Variants in UTRN observed in about 807,000 individuals in gnomAD.
The protein encoded by UTRN is utrophin.
UTRN carries 283 observed loss-of-function variants against 463.9 expected under a neutral mutation model. That is an observed-to-expected ratio of 0.61 (90% CI 0.55 to 0.67). UTRN has a LOEUF of 0.67. Among genes scored for constraint, UTRN ranks in the 30% least tolerant of loss-of-function variants. The pLI is 0.00. For synonymous variants in UTRN, 1,442 were observed against 1,431.5 expected, an observed-to-expected ratio of 1.01 and a Z score of -0.17; for missense variants, 3,922 against 4,084.3, an observed-to-expected ratio of 0.96 and a Z score of 1.08.
chr6:144,525,363 G>C (rs920236642), intron 41 of UTRN, among the ~76,000 whole-genome samples: 1 of 151,842 alleles, frequency 6.6e-6, no homozygotes, highest in African/African-American at 2.4e-5. Flanking sequence ...TAATCTTGCT[G>C]CTTGTTATTG....
chr6:144,635,514 C>CTTTTTTTTTTTTTTTTTTTTTT (rs1402815648), intron 51 of UTRN, among the ~76,000 whole-genome samples: 1 of 80,028 alleles, frequency 1.2e-5, no homozygotes, highest in Non-Finnish European at 2.2e-5. Flanking sequence ...CTTTTTTTTT[C>CTTTTTTTTTTTTTTTTTTTTTT]TTTTTTTTTT....
At chr6:144,371,166 C>A (rs961865113) in intron 2 of UTRN, among the ~76,000 whole-genome samples, 14 of 152,302 alleles carry the variant, frequency 9.2e-5, no homozygotes, top group African/African-American at 3.1e-4. Flanking sequence ...TGTTTATGTG[C>A]ATTTACTAAC....
At chr6:144,700,294 G>A in intron 53 of UTRN, 51 bp downstream of exon 53, 1 of 1,513,902 alleles carries the variant, frequency 6.6e-7, no homozygotes, top group Non-Finnish European at 8.9e-7. Context: ...TAGTGAGGTA[G>A]ATATTTGAAA....
intron 34 of UTRN, among the ~76,000 whole-genome samples, chr6:144,504,781 G>A (rs1267893649): frequency 6.6e-6 from 1 of 152,194 alleles, no homozygotes; most frequent in African/African-American, 2.4e-5. Context: ...CATAAAATGA[G>A]TTAGGGAGGA....
At chr6:144,759,822 A>G (rs1342811464) in intron 58 of UTRN, among the ~76,000 whole-genome samples, 1 of 152,130 alleles carries the variant, frequency 6.6e-6, no homozygotes, top group Non-Finnish European at 1.5e-5. Context: ...CAGCCCTGCC[A>G]ACTTTGATTT....
At chr6:144,812,167 GTTCT>G (rs1407449479) in intron 65 of UTRN, among the ~76,000 whole-genome samples, 1 of 151,956 alleles carries the variant, frequency 6.6e-6, no homozygotes, top group Non-Finnish European at 1.5e-5. Context: ...TTTATTTGTG[GTTCT>G]TTATCTTGTT....
chr6:144,651,048 A>T (rs1035928077), intron 51 of UTRN, among the ~76,000 whole-genome samples: 1 of 151,958 alleles, frequency 6.6e-6, no homozygotes, highest in African/African-American at 2.4e-5. Flanking sequence ...AAAAATGAAG[A>T]AATATTTTAA....
At chr6:144,522,982 T>C in intron 40 of UTRN, 34 bp from the exon 41 acceptor site, 1 of 1,485,796 alleles carries the variant, frequency 6.7e-7, no homozygotes, top group Non-Finnish European at 9.0e-7. Flanking sequence ...GTTACTTTGC[T>C]GGATTTTGTT....
intron 51 of UTRN, among the ~76,000 whole-genome samples, chr6:144,612,149 G>A (rs529822838): frequency 1.3e-5 from 2 of 152,202 alleles, no homozygotes; most frequent in South Asian, 4.1e-4. Flanking sequence ...AATGCATTAT[G>A]TTGGAAAAAC....
intron 63 of UTRN, among the ~76,000 whole-genome samples, chr6:144,796,935 T>C (rs953051189): frequency 2.0e-5 from 3 of 152,134 alleles, no homozygotes; most frequent in Admixed American, 6.5e-5. Context: ...GAGGATAAAA[T>C]TGGTAGATAT....
At chr6:144,380,441 A>G (rs781694348) in intron 2 of UTRN, among the ~76,000 whole-genome samples, 1 of 152,150 alleles carries the variant, frequency 6.6e-6, no homozygotes, top group Non-Finnish European at 1.5e-5. Context: ...ATAAATGGAA[A>G]TTGCTTTTGT....
At chr6:144,850,849 C>A in intron 74 of UTRN, 140 bp from the exon 75 acceptor site, 1 of 1,086,960 alleles carries the variant, frequency 9.2e-7, no homozygotes, top group Non-Finnish European at 1.4e-6. Context: ...GAGGGAGGGA[C>A]CTCATTGCAG....
intron 53 of UTRN, among the ~76,000 whole-genome samples, chr6:144,720,186 C>T (rs1177580942): frequency 6.6e-6 from 1 of 152,210 alleles, no homozygotes; most frequent in Admixed American, 6.5e-5. Context: ...ATGCCATGCT[C>T]ATGAAGAAAA....
chr6:144,479,110 A>AG, intron 25 of UTRN, among the ~76,000 whole-genome samples: 1 of 139,526 alleles, frequency 7.2e-6, no homozygotes, highest in East Asian at 2.1e-4. Flanking sequence ...GATTGCTTCT[A>AG]GGGGTTTTTT....
At chr6:144,567,594 A>T (rs1022742549) in intron 50 of UTRN, among the ~76,000 whole-genome samples, 2 of 152,142 alleles carry the variant, frequency 1.3e-5, no homozygotes, top group African/African-American at 2.4e-5. Context: ...GCATGCTTTA[A>T]TGTATTTCCC....
At chr6:144,541,889 T>C (rs1434024094) in intron 45 of UTRN, among the ~76,000 whole-genome samples, 1 of 152,130 alleles carries the variant, frequency 6.6e-6, no homozygotes, top group African/African-American at 2.4e-5. Context: ...AAGTGCAGTG[T>C]AGAGAGAAGT....
At chr6:144,420,811 C>T (rs1784769737) in intron 3 of UTRN, among the ~76,000 whole-genome samples, 4 of 152,180 alleles carry the variant, frequency 2.6e-5, no homozygotes, top group African/African-American at 9.6e-5. Context: ...ATGTGAGACG[C>T]AGTGATGAAG....
At chr6:144,447,126 TA>T (rs1175408936) in intron 14 of UTRN, 84 bp from the exon 15 acceptor site, 19 of 1,299,028 alleles carry the variant, frequency 1.5e-5, no homozygotes, top group Non-Finnish European at 2.0e-5. Flanking sequence ...TCTAATAAAA[TA>T]AAAGTTAGAA....
chr6:144,706,051 C>G (rs528112755), intron 53 of UTRN, among the ~76,000 whole-genome samples: 9 of 152,080 alleles, frequency 5.9e-5, no homozygotes, highest in African/African-American at 2.2e-4. Flanking sequence ...ATCGAATAGT[C>G]TAAGCATAGT....
Sources: gnomAD v4.1 joint callset for allele counts (sites outside exome capture counted in the v4.1 genomes callset) on GRCh38, gnomAD v4.1.1 for gene constraint, MANE v1.5 for transcripts, NCBI Gene and HGNC (gene_info 2026-07-23, HGNC 2026-07-21) for gene names.